The following SERPINB7 variants were observed in gnomAD, a reference collection of about 807,000 sequenced individuals.
SERPINB7 encodes the protein serpin family B member 7, also known as serpin B7.
A neutral mutation model predicts 37.4 loss-of-function variants in SERPINB7; 31 were observed. The observed-to-expected ratio is 0.83, with a 90% confidence interval of 0.62 to 1.12. The LOEUF (loss-of-function observed/expected upper bound fraction) is 1.12. SERPINB7 is among the 50% of genes most tolerant of loss of function. SERPINB7 has a pLI of 0.00. For synonymous variants in SERPINB7, 163 were observed against 166.1 expected, an observed-to-expected ratio of 0.98 and a Z score of 0.14; for missense variants, 521 against 455.3, an observed-to-expected ratio of 1.14 and a Z score of -1.31.
chr18:63,788,510 A>C (rs2049395597), intron 2 of SERPINB7, among the ~76,000 whole-genome samples: 1 of 152,234 alleles, frequency 6.6e-6, no homozygotes, highest in Admixed American at 6.5e-5. Context: ...TAAAGTAAAA[A>C]AGTTAAAGTA....
At chr18:63,788,857 G>A (rs1599011426) in intron 2 of SERPINB7, among the ~76,000 whole-genome samples, 1 of 152,280 alleles carries the variant, frequency 6.6e-6, no homozygotes, top group African/African-American at 2.4e-5. Context: ...GTATTTGGGA[G>A]CAATAGGCTA....
At chr18:63,763,711 G>T (rs2049166232) in intron 1 of SERPINB7, among the ~76,000 whole-genome samples, 1 of 152,196 alleles carries the variant, frequency 6.6e-6, no homozygotes, top group Non-Finnish European at 1.5e-5. Flanking sequence ...ATGAGTTTCA[G>T]CTTTCACTGG....
intron 1 of SERPINB7, among the ~76,000 whole-genome samples, chr18:63,776,019 C>A (rs2049243966): frequency 6.6e-6 from 1 of 152,050 alleles, no homozygotes; most frequent in Non-Finnish European, 1.5e-5. Flanking sequence ...GCATCCTATT[C>A]TTTACCTCAC....
intron 2 of SERPINB7, among the ~76,000 whole-genome samples, chr18:63,785,618 C>T (rs1022206606): frequency 2.6e-5 from 4 of 151,846 alleles, no homozygotes; most frequent in African/African-American, 9.7e-5. Flanking sequence ...AGGTTCAATG[C>T]AGTTGAAGTG....
chr18:63,756,600 A>G (rs200504687), intron 1 of SERPINB7, among the ~76,000 whole-genome samples: 1 of 152,292 alleles, frequency 6.6e-6, no homozygotes, highest in East Asian at 1.9e-4. Flanking sequence ...ATCCTGGTAG[A>G]GATCAGGGTG....
At chr18:63,769,460 T>G (rs1598993228) in intron 1 of SERPINB7, among the ~76,000 whole-genome samples, 1 of 152,190 alleles carries the variant, frequency 6.6e-6, no homozygotes, top group Admixed American at 6.5e-5. Flanking sequence ...ATCTTGGTGT[T>G]GACATCTGCT....
At chr18:63,780,096 C>A (rs1227300205) in intron 1 of SERPINB7, among the ~76,000 whole-genome samples, 1 of 151,904 alleles carries the variant, frequency 6.6e-6, no homozygotes, top group African/African-American at 2.4e-5. Flanking sequence ...TAAAATACAC[C>A]CAATCTTCTA....
chr18:63,800,821 A>G, intron 6 of SERPINB7, 45 bp from the exon 7 acceptor site: 1 of 1,602,614 alleles, frequency 6.2e-7, no homozygotes, highest in Non-Finnish European at 8.5e-7. Context: ...TAATAAAGTA[A>G]AATGAGGTGG....
Position 63,805,250 on chromosome 18 carries a change from GT to G in SERPINB7, c.*621del, listed in dbSNP as rs1233527641. ...TCTTTGATAAGACAATATGTACATA[GT>G]TTTTTCAAATATTAAAGATCTTTTA... On this transcript the variant is annotated 3_prime_UTR_variant, in exon 8 of 8. Transcript: ENST00000398019. The G allele has an allele frequency of 6.6e-6, 1 of 152,238 alleles. No homozygotes were observed. Among genetic ancestry groups the G allele is most frequent in the Non-Finnish European group, 1.5e-5 (1 of 68,126 alleles). The allele number at this position is 152,238 out of a possible 1,614,324, so 9.4% of individuals were successfully genotyped here.
chr18:63,779,918 A>C (rs1160633584), intron 1 of SERPINB7, among the ~76,000 whole-genome samples: 1 of 152,132 alleles, frequency 6.6e-6, no homozygotes, highest in Non-Finnish European at 1.5e-5. Flanking sequence ...AACAAGAAGA[A>C]TTGGAACTTG....
intron 1 of SERPINB7, among the ~76,000 whole-genome samples, chr18:63,753,648 A>G (rs776390068): frequency 6.6e-6 from 1 of 152,128 alleles, no homozygotes; most frequent in African/African-American, 2.4e-5. Flanking sequence ...TTACATGCCA[A>G]CTCCCAGGTC....
chr18:63,785,113 A>C (rs2049351231), intron 2 of SERPINB7, among the ~76,000 whole-genome samples: 2 of 152,218 alleles, frequency 1.3e-5, no homozygotes, highest in Admixed American at 1.3e-4. Flanking sequence ...AAGAGGAGAA[A>C]AGGCAACTAC....
intron 1 of SERPINB7, among the ~76,000 whole-genome samples, chr18:63,753,712 C>T (rs1325269697): frequency 2.0e-5 from 3 of 152,182 alleles, no homozygotes; most frequent in Non-Finnish European, 4.4e-5. Context: ...ATGTGTTGGA[C>T]ATTCCTTGTT....
intron 1 of SERPINB7, among the ~76,000 whole-genome samples, chr18:63,757,243 A>G (rs949410794): frequency 6.6e-6 from 1 of 152,192 alleles, no homozygotes; most frequent in Non-Finnish European, 1.5e-5. Flanking sequence ...GATTCTTATA[A>G]AGCCAAAAAA....
At chr18:63,798,576 AT>A in intron 5 of SERPINB7, 27 bp from the exon 6 acceptor site, 3 of 1,524,108 alleles carry the variant, frequency 2.0e-6, no homozygotes, top group Non-Finnish European at 2.7e-6. Flanking sequence ...TAAAATAAAC[AT>A]TTTTCCCTCA....
At chr18:63,793,473 G>T (rs2049451447) in intron 4 of SERPINB7, among the ~76,000 whole-genome samples, 196 bp downstream of exon 4, 1 of 152,106 alleles carries the variant, frequency 6.6e-6, no homozygotes, top group Admixed American at 6.5e-5. Flanking sequence ...CACATATTCA[G>T]GTTCATTAGA....
intron 1 of SERPINB7, among the ~76,000 whole-genome samples, chr18:63,754,929 G>A (rs1382595847): frequency 4.5e-5 from 5 of 111,010 alleles, no homozygotes; most frequent in African/African-American, 1.7e-4. Flanking sequence ...GTCTCGCTCT[G>A]TCGCCCAGGC....
At chr18:63,767,230 T>C (rs749656208) in intron 1 of SERPINB7, among the ~76,000 whole-genome samples, 2 of 152,158 alleles carry the variant, frequency 1.3e-5, no homozygotes, top group Non-Finnish European at 2.9e-5. Flanking sequence ...TCTTTTCTGC[T>C]ACTCAAGCCA....
rs756029823 is a variant in SERPINB7, at chr18:63,782,508, G to T, written c.136G>T (p.Ala46Ser). ...FAALALVRLG[A>S]QDDSLSQIDK... ...TGCCCTGGCCCTGGTCCGCTTGGGCGCTCAAGATGACTCCCTCTCTCAGAT... is the reference window on the plus strand; with the variant it reads ...TGCCCTGGCCCTGGTCCGCTTGGGCTCTCAAGATGACTCCCTCTCTCAGAT... The change falls in exon 2 of 8, where the codon GCT becomes TCT. Residue 46 changes from alanine to serine, a missense_variant. Ala to Ser is a moderately conservative substitution (Grantham distance 99, BLOSUM62 1). Coordinates refer to ENST00000398019, the MANE Select transcript of SERPINB7 (RefSeq NM_003784.4). 88 of 1,612,648 alleles carry T rather than the reference G, an allele frequency of 5.5e-5. No individual in the cohort carries two copies. Among genetic ancestry groups the T allele is most frequent in the Non-Finnish European group, 7.4e-5 (87 of 1,179,324 alleles).
Sources: gnomAD v4.1 joint callset for allele counts (sites outside exome capture counted in the v4.1 genomes callset) on GRCh38, gnomAD v4.1.1 for gene constraint, MANE v1.5 for transcripts, NCBI Gene and HGNC (gene_info 2026-07-23, HGNC 2026-07-21) for gene names.